SORCS1: variants seen among roughly 807,000 people sequenced by gnomAD.
SORCS1 encodes VPS10 domain-containing receptor SorCS1.
SORCS1 carries 60 observed loss-of-function variants against 146.1 expected under a neutral mutation model. That is an observed-to-expected ratio of 0.41 (90% CI 0.33 to 0.51). The LOEUF is 0.51. Ranked by LOEUF, SORCS1 falls within the 20% of genes least tolerant of loss-of-function variation. SORCS1 has a pLI of 0.21. For missense variants in SORCS1, 1,352 were observed against 1,487.6 expected (o/e 0.91, Z 1.50); for synonymous variants, 637 against 584.0 (o/e 1.09, Z -1.31).
intron 10 of SORCS1, among the ~76,000 whole-genome samples, chr10:106,683,372 C>G (rs903162757): frequency 6.2e-4 from 94 of 152,202 alleles, no homozygotes; most frequent in African/African-American, 2.1e-3. Context: ...GACTACCATT[C>G]TGTCTCTGCT....
upstream of SORCS1, among the ~76,000 whole-genome samples, chr10:107,168,533 A>G (rs1248613536): frequency 6.6e-6 from 1 of 152,210 alleles, no homozygotes; most frequent in Non-Finnish European, 1.5e-5. Flanking sequence ...CTCAATAAAT[A>G]ATGGCTGGTT....
At chr10:106,694,753 T>C (rs907370541) in intron 9 of SORCS1, among the ~76,000 whole-genome samples, 2 of 152,198 alleles carry the variant, frequency 1.3e-5, no homozygotes, top group African/African-American at 4.8e-5. Context: ...CATGCCCTGG[T>C]CACTGGCTGT....
rs560956701 is a variant in SORCS1 at position 107,087,951 on chromosome 10, C to T, written c.558+76018G>A. Among the ~76,000 whole-genome samples the T allele has an allele frequency of 1.8e-4, 28 of 152,332 alleles. No individual in the cohort carries two copies. The East Asian group carries it at 4.8e-3, about 26-fold the overall frequency. On this transcript the variant is annotated intron_variant, in intron 1 of 25. Transcript: ENST00000263054. The stretch of plus-strand genomic sequence containing the variant: ...TTATTTATTTTGAGACGGAGTCTCG[C>T]TCTGTCACCCAGGCTGCAGCACAGT...
At chr10:106,787,387 A>C (rs1398875253) in intron 3 of SORCS1, among the ~76,000 whole-genome samples, 1 of 152,204 alleles carries the variant, frequency 6.6e-6, no homozygotes, top group Non-Finnish European at 1.5e-5. Flanking sequence ...TGAATGGTAA[A>C]TGTATTCTAG....
intron 2 of SORCS1, among the ~76,000 whole-genome samples, chr10:106,853,701 T>C (rs1403742268): frequency 6.6e-6 from 1 of 152,134 alleles, no homozygotes; most frequent in Admixed American, 6.5e-5. Flanking sequence ...CTTGAGATTT[T>C]TTCTTTGATC....
intron 6 of SORCS1, among the ~76,000 whole-genome samples, chr10:106,710,476 T>C (rs1020198361): frequency 2.7e-5 from 4 of 150,596 alleles, no homozygotes; most frequent in Non-Finnish European, 4.4e-5. Context: ...AGGAGTTCCT[T>C]GAGTTAAGAC....
intron 1 of SORCS1, among the ~76,000 whole-genome samples, chr10:107,099,756 T>C (rs1964788299): frequency 6.6e-6 from 1 of 152,192 alleles, no homozygotes; most frequent in Admixed American, 6.5e-5. Context: ...CTAAAAGTGA[T>C]CTAGATTCAT....
chr10:106,928,299 C>T (rs1953189443), intron 2 of SORCS1, among the ~76,000 whole-genome samples: 1 of 152,236 alleles, frequency 6.6e-6, no homozygotes. Context: ...CGCCGGTGGG[C>T]CGGCACTGCC....
At chr10:106,678,021 C>T (rs1459119370) in intron 12 of SORCS1, among the ~76,000 whole-genome samples, 2 of 152,074 alleles carry the variant, frequency 1.3e-5, no homozygotes, top group Non-Finnish European at 2.9e-5. Context: ...TGGTCTTTCT[C>T]CAAATGTAGA....
At chr10:106,689,449 A>G (rs771512662) in intron 9 of SORCS1, among the ~76,000 whole-genome samples, 2 of 152,152 alleles carry the variant, frequency 1.3e-5, no homozygotes, top group African/African-American at 2.4e-5. Context: ...CATTTTGAGG[A>G]TGAGGAAATA....
At chr10:107,008,866 G>A (rs1957565400) in intron 1 of SORCS1, among the ~76,000 whole-genome samples, 1 of 152,168 alleles carries the variant, frequency 6.6e-6, no homozygotes, top group African/African-American at 2.4e-5. Flanking sequence ...GCATGGTGGC[G>A]GGTGCCTGTC....
At chr10:107,081,190 A>T (rs1006602983) in intron 1 of SORCS1, among the ~76,000 whole-genome samples, 1 of 152,178 alleles carries the variant, frequency 6.6e-6, no homozygotes, top group African/African-American at 2.4e-5. Context: ...GAAGAATCCA[A>T]TCTCATCAAA....
At chr10:106,723,056 T>C in intron 6 of SORCS1, among the ~76,000 whole-genome samples, 1 of 152,122 alleles carries the variant, frequency 6.6e-6, no homozygotes, top group East Asian at 1.9e-4. Context: ...CATCTGGGTG[T>C]GGTGGCTCAT....
rs563483583 is a variant in SORCS1, at chr10:106,748,416, T to C, written c.959+13172A>G. On this transcript the variant is annotated intron_variant, in intron 5 of 25. Transcript: ENST00000263054. ...CATATAAGACTGCAAACTTAATTGA[T>C]GCAAACTTAATTGCAAACTTAATGG... Among the ~76,000 whole-genome samples the C allele has an allele frequency of 5.3e-5, 8 of 152,296 alleles. 1 individual carries two copies. In the South Asian group the frequency reaches 1.7e-3, roughly 32 times the overall value.
chr10:106,714,783 C>T (rs12264664), intron 6 of SORCS1, among the ~76,000 whole-genome samples: 1 of 152,014 alleles, frequency 6.6e-6, no homozygotes, highest in Non-Finnish European at 1.5e-5. Flanking sequence ...AGTAGGGGAG[C>T]GGGGAGTCAA....
intron 1 of SORCS1, among the ~76,000 whole-genome samples, chr10:107,031,298 A>T (rs1432276253): frequency 6.6e-6 from 1 of 151,228 alleles, no homozygotes; most frequent in Non-Finnish European, 1.5e-5. Context: ...CTTTCTAGTG[A>T]TCCTTTTCAA....
the SORCS1 span, among the ~76,000 whole-genome samples, chr10:107,171,747 C>T: frequency 6.6e-6 from 1 of 152,124 alleles, no homozygotes; most frequent in South Asian, 2.1e-4. Flanking sequence ...ATCCACCTGC[C>T]TTGGCCTCCC....
intron 1 of SORCS1, among the ~76,000 whole-genome samples, chr10:107,147,812 C>A (rs1408132689): frequency 6.6e-6 from 1 of 152,012 alleles, no homozygotes; most frequent in Non-Finnish European, 1.5e-5. Flanking sequence ...CCTTGAGAAA[C>A]TCACTATTAA....
At chr10:106,627,390 C>CA (rs1267552979) in intron 19 of SORCS1, among the ~76,000 whole-genome samples, 1 of 152,128 alleles carries the variant, frequency 6.6e-6, no homozygotes, top group Admixed American at 6.5e-5. Context: ...AGCTCTCTAG[C>CA]AAAATCACCC....
Sources: allele counts gnomAD v4.1 joint callset (sites outside exome capture counted in the v4.1 genomes callset), GRCh38; gene constraint gnomAD v4.1.1; transcripts MANE v1.5; gene names NCBI Gene and HGNC (gene_info 2026-07-23, HGNC 2026-07-21).